The following PRKCH variants were observed in gnomAD, a reference collection of about 807,000 sequenced individuals.
PRKCH encodes the protein protein kinase C eta type.
In PRKCH, 28 loss-of-function variants were observed where a neutral mutation model predicts 82.5. That is an observed-to-expected ratio of 0.34 (90% CI 0.25 to 0.47). The LOEUF is 0.47. Among genes scored for constraint, PRKCH ranks in the 20% least tolerant of loss-of-function variants. PRKCH has a pLI of 1.00. For synonymous variants in PRKCH, 322 were observed against 327.4 expected, an observed-to-expected ratio of 0.98 and a Z score of 0.18; for missense variants, 705 against 881.8, an observed-to-expected ratio of 0.80 and a Z score of 2.54.
intron 9 of PRKCH, among the ~76,000 whole-genome samples, chr14:61,468,747 ACCTAGAGACTGAGTAGACCGCCACCTC>A (rs1164214906): frequency 6.6e-6 from 1 of 152,050 alleles, no homozygotes; most frequent in African/African-American, 2.4e-5. Flanking sequence ...ATCACTGACA[ACCTAGAGACTGAGTAGACCGCCACCTC>A]CATGTCTGCT....
At chr14:61,247,919 T>A (rs1223487549) in intron 1 of PRKCH, among the ~76,000 whole-genome samples, 1 of 152,124 alleles carries the variant, frequency 6.6e-6, no homozygotes, top group Admixed American at 6.5e-5. Flanking sequence ...CTGACCTCCA[T>A]GTCCCCATGG....
At chr14:61,366,230 C>T (rs776316638) in intron 1 of PRKCH, among the ~76,000 whole-genome samples, 3 of 152,072 alleles carry the variant, frequency 2.0e-5, no homozygotes, top group Admixed American at 6.5e-5. Flanking sequence ...TAATTTCTGT[C>T]GTTCAAGTTT....
At chr14:61,477,589 A>G (rs1299403490) in intron 9 of PRKCH, among the ~76,000 whole-genome samples, 1 of 152,248 alleles carries the variant, frequency 6.6e-6, no homozygotes, top group East Asian at 1.9e-4. Flanking sequence ...TAAGGAGGGC[A>G]TTTGTTTTGC....
intron 1 of PRKCH, among the ~76,000 whole-genome samples, chr14:61,209,695 ATT>A (rs1189109370): frequency 1.3e-5 from 2 of 151,880 alleles, no homozygotes; most frequent in Non-Finnish European, 2.9e-5. Flanking sequence ...GATGCAGGGG[ATT>A]TGTTACATGG....
chr14:61,449,526 T>A (rs1444440741), intron 5 of PRKCH, among the ~76,000 whole-genome samples: 1 of 152,132 alleles, frequency 6.6e-6, no homozygotes, highest in Non-Finnish European at 1.5e-5. Flanking sequence ...ACCCCATTAG[T>A]GGTTGGCTGG....
chr14:61,518,795 CTGTT>C (rs1478841129), intron 10 of PRKCH, among the ~76,000 whole-genome samples: 2 of 152,066 alleles, frequency 1.3e-5, no homozygotes, highest in Non-Finnish European at 2.9e-5. Flanking sequence ...AGTCTGTGCC[CTGTT>C]TGTTTGTTTC....
rs773422241 is a variant in PRKCH at position 61,356,107 on chromosome 14, A to G, written c.363+33643A>G. The stretch of plus-strand genomic sequence containing the variant: ...CTGACTGAGCGCTTGGCATTCTTTC[A>G]TGGAAAGATGACAACTCATCCAGGG... On this transcript the variant is annotated intron_variant, in intron 1 of 13. Transcript: ENST00000332981. Among the ~76,000 whole-genome samples, 4 of 152,264 alleles carry G rather than the reference A, an allele frequency of 2.6e-5. No individual in the cohort carries two copies. The South Asian group carries it at 8.3e-4, about 32-fold the overall frequency.
At chr14:61,279,164 C>A (rs2045232748) in intron 1 of PRKCH, 1 of 152,232 alleles carries the variant, frequency 6.6e-6, no homozygotes, top group Admixed American at 6.5e-5. Flanking sequence ...CTACACAGTA[C>A]CTGGCAAAGT....
At chr14:61,462,295 C>CA (rs1329982039) in intron 9 of PRKCH, among the ~76,000 whole-genome samples, 5 of 152,234 alleles carry the variant, frequency 3.3e-5, no homozygotes, top group Admixed American at 2.0e-4. Context: ...GAGGCTGAGA[C>CA]AGGAGGATCG....
intron 2 of PRKCH, among the ~76,000 whole-genome samples, chr14:61,418,489 TAGAG>T (rs1017355412): frequency 4.6e-5 from 7 of 152,218 alleles, no homozygotes; most frequent in African/African-American, 1.7e-4. Flanking sequence ...AAAGTGGACT[TAGAG>T]AGATGTATCG....
At chr14:61,207,265 G>C (rs2044534286) in intron 1 of PRKCH, among the ~76,000 whole-genome samples, 1 of 152,124 alleles carries the variant, frequency 6.6e-6, no homozygotes, top group African/African-American at 2.4e-5. Flanking sequence ...GGCATCTGAG[G>C]TCTGACTGGG....
At chr14:61,278,975 T>TCTCACACA (rs368741788) in intron 1 of PRKCH, 5 of 140,240 alleles carry the variant, frequency 3.6e-5, no homozygotes, top group African/African-American at 5.1e-5. Context: ...CCCTTTCTAA[T>TCTCACACA]CACACACACA....
At chr14:61,188,378 G>A (rs1026102465) in intron 1 of PRKCH, among the ~76,000 whole-genome samples, 1 of 152,178 alleles carries the variant, frequency 6.6e-6, no homozygotes, top group African/African-American at 2.4e-5. Context: ...CCTGCAAACC[G>A]AGGAAGGCTG....
In PRKCH at chr14:61,529,005, T is replaced by TGTGTGTGTGTGTGTGTGTGTGC. The variant is rs1491304992; in HGVS notation, c.1434-69_1434-68insTGTGTGTGTGTGTGTGTGTGCG. 977 of 1,460,536 alleles carry TGTGTGTGTGTGTGTGTGTGTGC rather than the reference T, an allele frequency of 6.7e-4. 33 individuals carry two copies. The African/African-American group carries it at 0.014, about 21-fold the overall frequency. The allele number at this position is 1,460,536 out of a possible 1,614,324, so 90.5% of individuals were successfully genotyped here. On this transcript the variant is annotated intron_variant, in intron 10 of 13. Transcript: ENST00000332981. Reference sequence around the variant, plus strand: ...GTGTGTGTGTGTGTGTGTGTGTGTGTGCCCATTCTGAGAGGTGGATGGTTT... The same window carrying TGTGTGTGTGTGTGTGTGTGTGC: ...GTGTGTGTGTGTGTGTGTGTGTGTGTGTGTGTGTGTGTGTGTGTGTGCGCCCATTCTGAGAGGTGGATGGTTT...
At chr14:61,431,447 A>G (rs559713897) in intron 2 of PRKCH, among the ~76,000 whole-genome samples, 2 of 152,278 alleles carry the variant, frequency 1.3e-5, no homozygotes, top group South Asian at 4.1e-4. Context: ...ACTTTTTAAT[A>G]TACTTTAACT....
At chr14:61,389,375 A>C (rs2046638071) in intron 1 of PRKCH, among the ~76,000 whole-genome samples, 1 of 151,866 alleles carries the variant, frequency 6.6e-6, no homozygotes, top group African/African-American at 2.4e-5. Flanking sequence ...CTTTGAGATC[A>C]TATGTGGAGG....
intron 2 of PRKCH, among the ~76,000 whole-genome samples, chr14:61,406,620 A>G (rs956825228): frequency 3.9e-5 from 6 of 152,030 alleles, no homozygotes; most frequent in African/African-American, 7.2e-5. Flanking sequence ...TAAAATGACA[A>G]CAACAATTGT....
intron 1 of PRKCH, among the ~76,000 whole-genome samples, chr14:61,335,421 G>T (rs757356566): frequency 6.6e-5 from 10 of 152,090 alleles, no homozygotes; most frequent in Non-Finnish European, 1.5e-4. Flanking sequence ...AATTTAGATG[G>T]ACAGGATAAT....
chr14:61,245,473 G>T (rs2044871081), intron 1 of PRKCH, among the ~76,000 whole-genome samples: 1 of 152,220 alleles, frequency 6.6e-6, no homozygotes, highest in South Asian at 2.1e-4. Flanking sequence ...TAAGTGCAGG[G>T]AATTAATCAA....
Sources: allele counts gnomAD v4.1 joint callset (sites outside exome capture counted in the v4.1 genomes callset), GRCh38; gene constraint gnomAD v4.1.1; transcripts MANE v1.5; gene names NCBI Gene and HGNC (gene_info 2026-07-23, HGNC 2026-07-21).